The following BMPR1B variants were observed in gnomAD, a reference collection of about 807,000 sequenced individuals.
The protein encoded by BMPR1B is bone morphogenetic protein receptor type 1B.
In BMPR1B, 12 loss-of-function variants were observed where a neutral mutation model predicts 59.1. That is an observed-to-expected ratio of 0.20 (90% CI 0.13 to 0.33). The LOEUF is 0.33. Among genes scored for constraint, BMPR1B ranks in the 10% least tolerant of loss-of-function variants. The probability of loss-of-function intolerance (pLI) is 1.00; values close to 1 mark genes in which losing one functional copy is unlikely to be tolerated. For synonymous variants in BMPR1B, 237 were observed against 207.3 expected (o/e 1.14, Z -1.23); for missense variants, 550 against 610.9 (o/e 0.90, Z 1.05).
At chr4:94,977,479 C>CTT (rs5741894) in intron 2 of BMPR1B, among the ~76,000 whole-genome samples, 1 of 138,836 alleles carries the variant, frequency 7.2e-6, no homozygotes, top group African/African-American at 2.7e-5. Context: ...AGCAAGATGC[C>CTT]TTTTTTTTTT....
chr4:94,857,432 G>A (rs1725802876), intron 1 of BMPR1B, among the ~76,000 whole-genome samples: 1 of 152,118 alleles, frequency 6.6e-6, no homozygotes, highest in Non-Finnish European at 1.5e-5. Flanking sequence ...TATATAAAAT[G>A]ACAACAGAAT....
chr4:94,914,069 A>G (rs533648891), intron 2 of BMPR1B, among the ~76,000 whole-genome samples: 2 of 152,134 alleles, frequency 1.3e-5, no homozygotes, highest in African/African-American at 2.4e-5. Context: ...TTGAGCACCT[A>G]TAGAGGTTTA....
At chr4:94,892,232 T>A (rs994408554) in intron 2 of BMPR1B, among the ~76,000 whole-genome samples, 2 of 152,202 alleles carry the variant, frequency 1.3e-5, no homozygotes, top group East Asian at 3.9e-4. Context: ...ACGTTCTTGC[T>A]ACCCACAGGG....
At chr4:94,885,146 T>G (rs1011014193) in intron 2 of BMPR1B, among the ~76,000 whole-genome samples, 8 of 152,168 alleles carry the variant, frequency 5.3e-5, no homozygotes, top group African/African-American at 1.9e-4. Context: ...CCACACATGC[T>G]TGAGGGAACC....
intron 2 of BMPR1B, among the ~76,000 whole-genome samples, chr4:94,894,377 C>T (rs1049720502): frequency 2.1e-4 from 32 of 151,726 alleles, no homozygotes; most frequent in Admixed American, 1.4e-3. Context: ...AAACAGTAAG[C>T]ATTTATACCT....
At chr4:95,031,403 G>C (rs1252801887) in intron 3 of BMPR1B, among the ~76,000 whole-genome samples, 1 of 152,124 alleles carries the variant, frequency 6.6e-6, no homozygotes, top group Non-Finnish European at 1.5e-5. Flanking sequence ...AGATGCTTCT[G>C]TTTTCAGAAA....
intron 2 of BMPR1B, among the ~76,000 whole-genome samples, chr4:94,937,164 A>G (rs1647800713): frequency 6.6e-6 from 1 of 151,898 alleles, no homozygotes; most frequent in African/African-American, 2.4e-5. Context: ...CTCATTCATC[A>G]TTTTGTTTGC....
At chr4:94,849,828 T>G (rs10017163) in intron 1 of BMPR1B, among the ~76,000 whole-genome samples, 31,553 of 150,798 alleles carry the variant, frequency 0.21, 3,483 homozygotes, top group African/African-American at 0.24. Flanking sequence ...GTGTTTTAGT[T>G]TCTGTGGGAA....
At chr4:95,035,490 T>G (rs1388276579) in intron 3 of BMPR1B, among the ~76,000 whole-genome samples, 1 of 152,152 alleles carries the variant, frequency 6.6e-6, no homozygotes, top group African/African-American at 2.4e-5. Flanking sequence ...TTCATTCTTC[T>G]ACATGTGGTT....
chr4:95,052,294 T>C (rs946025087), intron 3 of BMPR1B, among the ~76,000 whole-genome samples: 1 of 152,202 alleles, frequency 6.6e-6, no homozygotes, highest in African/African-American at 2.4e-5. Flanking sequence ...GCTTGCTTTG[T>C]GATAATTTTG....
At chr4:95,104,089 C>G (rs1036829740) in intron 3 of BMPR1B, among the ~76,000 whole-genome samples, 1 of 151,718 alleles carries the variant, frequency 6.6e-6, no homozygotes, top group African/African-American at 2.4e-5. Context: ...AGTGTTTACC[C>G]ATGGAATTAC....
chr4:94,999,415 A>G (rs1029541493), intron 3 of BMPR1B, among the ~76,000 whole-genome samples: 14 of 142,552 alleles, frequency 9.8e-5, no homozygotes, highest in African/African-American at 3.1e-4. Context: ...TCTAGGACCA[A>G]TCAGTGTTGT....
chr4:94,906,243 T>G (rs1728035940), intron 2 of BMPR1B, among the ~76,000 whole-genome samples: 1 of 152,076 alleles, frequency 6.6e-6, no homozygotes, highest in Non-Finnish European at 1.5e-5. Context: ...GTCTAGTTGA[T>G]TTGAAAATCT....
At chr4:95,017,586 TC>T (rs1285671816) in intron 3 of BMPR1B, among the ~76,000 whole-genome samples, 3 of 152,244 alleles carry the variant, frequency 2.0e-5, no homozygotes, top group Non-Finnish European at 4.4e-5. Context: ...TTGAGGTGTT[TC>T]CTAGACAGAT....
intron 2 of BMPR1B, among the ~76,000 whole-genome samples, chr4:94,944,849 A>T (rs1729650491): frequency 6.6e-6 from 1 of 152,228 alleles, no homozygotes; most frequent in Admixed American, 6.5e-5. Context: ...TGTATGGGAC[A>T]CATAATAGAT....
chr4:95,049,925 A>G (rs1172931814), intron 3 of BMPR1B, among the ~76,000 whole-genome samples: 1 of 152,096 alleles, frequency 6.6e-6, no homozygotes, highest in Non-Finnish European at 1.5e-5. Flanking sequence ...TTTGAACTGA[A>G]TTAGGATTCT....
chr4:95,022,788 A>G (rs1724088280), intron 3 of BMPR1B, among the ~76,000 whole-genome samples: 1 of 152,152 alleles, frequency 6.6e-6, no homozygotes, highest in African/African-American at 2.4e-5. Context: ...AATGGTATTA[A>G]AATATTATAT....
rs905937968 is a variant in BMPR1B at position 95,131,664 on chromosome 4, A to G, written c.1076+152A>G. On this transcript the variant is annotated intron_variant, in intron 10 of 12. Transcript: ENST00000515059. ...AACCACCAAACATTTTATTAGCAAC[A>G]CAGCATATTTGGGTCTGTTCTATTG... The G allele has an allele frequency of 7.7e-6, 7 of 912,888 alleles. No homozygotes were observed. The African/African-American group carries it at 1.0e-4, about 13-fold the overall frequency. 56.5% of individuals were successfully genotyped at this position (912,888 alleles called of 1,614,324 possible).
chr4:95,095,426 C>T (rs1022244146), intron 3 of BMPR1B, among the ~76,000 whole-genome samples: 2 of 151,946 alleles, frequency 1.3e-5, no homozygotes, highest in Admixed American at 1.3e-4. Context: ...TGGGTCATTC[C>T]CAAAGTTGTT....
Sources: allele counts gnomAD v4.1 joint callset (sites outside exome capture counted in the v4.1 genomes callset), GRCh38; gene constraint gnomAD v4.1.1; transcripts MANE v1.5; gene names NCBI Gene and HGNC (gene_info 2026-07-23, HGNC 2026-07-21).